YJU2: variants seen among roughly 807,000 people sequenced by gnomAD.
YJU2 encodes the protein splicing factor YJU2.
Under a neutral mutation model 39.6 loss-of-function variants are expected in YJU2, and 28 were observed. The observed-to-expected ratio is 0.71, with a 90% CI of 0.52 to 0.97. YJU2 has a LOEUF of 0.97. Among genes scored for constraint, YJU2 ranks in the 50% least tolerant of loss-of-function variants. YJU2 has a pLI of 0.00. For synonymous variants in YJU2, 184 were observed against 182.4 expected (o/e 1.01, Z -0.07); for missense variants, 328 against 430.4 (o/e 0.76, Z 2.11).
intron 4 of YJU2, among the ~76,000 whole-genome samples, chr19:4,257,365 C>T (rs1293511390): frequency 6.6e-6 from 1 of 152,202 alleles, no homozygotes; most frequent in African/African-American, 2.4e-5. Flanking sequence ...ACGATCTGAG[C>T]TCAGTCAACC....
At chr19:4,258,579 C>G (rs1170485115) in intron 5 of YJU2, among the ~76,000 whole-genome samples, 156 bp downstream of exon 5, 3 of 152,202 alleles carry the variant, frequency 2.0e-5, no homozygotes, top group Non-Finnish European at 4.4e-5. Context: ...TGGCGTCTCT[C>G]GAGGGGGTCC....
At position 4,254,425 on chromosome 19, in the gene YJU2, TGGA is replaced by T. The variant is rs1309584953; in HGVS notation, c.352_354del (p.Glu118del). Reference sequence around the variant, plus strand: ...CGGAATTTCCAGGCTGAGAAGCTCCTGGAGGAGGAGGAGAAGAGGGTGCAGAAG... The same window carrying T: ...CGGAATTTCCAGGCTGAGAAGCTCCTGGAGGAGGAGAAGAGGGTGCAGAAG... On this transcript the variant is annotated inframe_deletion, in exon 4 of 8. Transcript: ENST00000262962. 2.5e-6 allele frequency: 4 copies of T among 1,613,492 alleles called. No individual in the cohort carries two copies. The highest frequency in any genetic ancestry group is 1.1e-5 in the South Asian group (1 of 90,990).
intron 5 of YJU2, 144 bp downstream of exon 5, chr19:4,258,567 TGTG>T (rs991496833): frequency 7.5e-7 from 1 of 1,332,586 alleles, no homozygotes; most frequent in Non-Finnish European, 1.0e-6. Flanking sequence ...CTTTCTCCCT[TGTG>T]GCGTCTCTCG....
intron 6 of YJU2, among the ~76,000 whole-genome samples, chr19:4,264,900 C>G (rs1971104368): frequency 6.6e-6 from 1 of 152,108 alleles, no homozygotes; most frequent in Non-Finnish European, 1.5e-5. Context: ...TTACAGACAT[C>G]AGCCACCATG....
At chr19:4,259,828 A>G (rs1971056620) in intron 5 of YJU2, among the ~76,000 whole-genome samples, 1 of 152,076 alleles carries the variant, frequency 6.6e-6, no homozygotes, top group African/African-American at 2.4e-5. Flanking sequence ...TCCAGCAGGT[A>G]GGTTCTGGTA....
intron 6 of YJU2, among the ~76,000 whole-genome samples, chr19:4,264,646 C>G (rs1971102162): frequency 6.6e-6 from 1 of 151,950 alleles, no homozygotes; most frequent in Non-Finnish European, 1.5e-5. Context: ...GCCACCATGC[C>G]CGGCTAATTT....
chr19:4,265,584 T>G (rs1298594382), intron 6 of YJU2, among the ~76,000 whole-genome samples: 3 of 151,446 alleles, frequency 2.0e-5, no homozygotes, highest in Non-Finnish European at 4.4e-5. Context: ...GTTTGGGAAC[T>G]AACCTAGGTA....
At chr19:4,249,834 G>A (rs1027247916) in intron 2 of YJU2, among the ~76,000 whole-genome samples, 7 of 151,950 alleles carry the variant, frequency 4.6e-5, no homozygotes, top group African/African-American at 1.7e-4. Context: ...AGCCTCCCAA[G>A]TAGCTGGGAT....
chr19:4,252,943 A>G (rs1246585330), intron 3 of YJU2, among the ~76,000 whole-genome samples: 1 of 151,934 alleles, frequency 6.6e-6, no homozygotes, highest in African/African-American at 2.4e-5. Flanking sequence ...ACAAACAAAA[A>G]CTTTTTTTGA....
chr19:4,268,573 T>C lies in YJU2; in HGVS notation c.860-11T>C. 6.3e-7 allele frequency: 1 copy of C among 1,597,496 alleles called. No individual in the cohort carries two copies. Among genetic ancestry groups the C allele is most frequent in the Non-Finnish European group, 8.6e-7 (1 of 1,168,246 alleles). On this transcript the variant is annotated splice_polypyrimidine_tract_variant and intron_variant, in intron 7 of 7. Transcript: ENST00000262962. ...GGAGCTGAGATGAGCTAACTCTCGC[T>C]CTCCCACCAGGAGCCCCGCAGAACA... is the stretch of plus-strand genomic sequence containing the variant.
chr19:4,249,109 G>A (rs994844832), intron 1 of YJU2, 119 bp from the exon 2 acceptor site: 4 of 640,212 alleles, frequency 6.2e-6, no homozygotes, highest in East Asian at 2.8e-5. Flanking sequence ...CCTGCCTGTC[G>A]CGGAACCTGG....
rs112256607 is a variant in YJU2, at chr19:4,247,265, C to T, written c.24+95C>T. The T allele has an allele frequency of 1.4e-3, 1,592 of 1,160,818 alleles. 19 individuals carry two copies. In the African/African-American group the frequency reaches 0.022, roughly 16 times the overall value. The allele number at this position is 1,160,818 out of a possible 1,614,324, so 71.9% of individuals were successfully genotyped here. A position where few individuals can be genotyped will look rare whatever the true frequency, so the allele number is the denominator to read the frequency against. ...TTCCTGAGATCTCTTCTTTGGAACC[C>T]TTCTTTCCCAGCGGCCTTCCGCGAG... On this transcript the variant is annotated intron_variant, in intron 1 of 7. Transcript: ENST00000262962.
intron 2 of YJU2, among the ~76,000 whole-genome samples, chr19:4,250,457 C>T (rs1356072120): frequency 1.3e-5 from 2 of 152,036 alleles, no homozygotes; most frequent in African/African-American, 4.8e-5. Context: ...GGAGAGAGCC[C>T]CTGGGGCAGT....
chr19:4,258,397 G>C lies in YJU2; in HGVS notation c.561G>C (p.Gln187His). The C allele has an allele frequency of 6.3e-7, 1 of 1,595,130 alleles. No individual in the cohort carries two copies. Among genetic ancestry groups the C allele is most frequent in the Non-Finnish European group, 8.5e-7 (1 of 1,172,964 alleles). The stretch of plus-strand genomic sequence containing the variant: ...CGGAGGAGGAGCGGCGGAGGCAGCA[G>C]CAGGAGGAGGACGAGCAGGAGACCG... ...RLSEEERRRQ[Q>H]QEEDEQETAA... The change falls in exon 5 of 8, where the codon CAG becomes CAC. Residue 187 changes from glutamine (Q) to histidine (H), a missense_variant. Coordinates refer to ENST00000262962, the MANE Select transcript of YJU2 (RefSeq NM_018074.6).
intron 1 of YJU2, among the ~76,000 whole-genome samples, chr19:4,247,580 C>G (rs867392084): frequency 0.016 from 753 of 46,164 alleles, 56 homozygotes; most frequent in African/African-American, 0.046. Context: ...GGTGGGGTGG[C>G]GCGTGTGTGT....
chr19:4,258,275 G>T lies in YJU2; in HGVS notation c.439G>T (p.Glu147Ter). Residue 147 changes from glutamate (E) to a stop codon, truncating the protein, a stop_gained, in exon 5 of 8, where the codon GAG becomes TAG. Transcript: ENST00000262962. LOFTEE classifies it high-confidence loss of function. ...GAACCGGACCAAGGACTCCAAGCTG[G>T]AGATGGAGGTGCTGGAGAACCTCCA... is the stretch of plus-strand genomic sequence containing the variant. Reference protein sequence around the residue: ...LENRTKDSKLEMEVLENLQEL... With the variant: ...LENRTKDSKL 1 of 1,557,376 alleles carries T rather than the reference G, an allele frequency of 6.4e-7. No homozygotes were observed. The highest frequency in any genetic ancestry group is 2.4e-5 in the East Asian group (1 of 41,946).
intron 3 of YJU2, among the ~76,000 whole-genome samples, chr19:4,252,217 T>C (rs1028817817): frequency 2.6e-5 from 4 of 151,798 alleles, no homozygotes; most frequent in African/African-American, 9.7e-5. Flanking sequence ...ATCAGCACTT[T>C]GGGAGGCCAA....
At chr19:4,255,687 C>T (rs1280609361) in intron 4 of YJU2, among the ~76,000 whole-genome samples, 2 of 147,292 alleles carry the variant, frequency 1.4e-5, no homozygotes, top group African/African-American at 5.1e-5. Flanking sequence ...GAGATCATGC[C>T]ACTGCACTCC....
intron 5 of YJU2, among the ~76,000 whole-genome samples, chr19:4,258,970 G>A (rs1971047470): frequency 1.3e-5 from 2 of 152,014 alleles, no homozygotes; most frequent in South Asian, 2.1e-4. Flanking sequence ...ATCCATGAGG[G>A]TGGGAGGCCC....
Sources: gnomAD v4.1 joint callset for allele counts (sites outside exome capture counted in the v4.1 genomes callset) on GRCh38, gnomAD v4.1.1 for gene constraint, MANE v1.5 for transcripts, NCBI Gene and HGNC (gene_info 2026-07-23, HGNC 2026-07-21) for gene names.